The following ANKIB1 variants were observed in gnomAD, a reference collection of about 807,000 sequenced individuals.
ANKIB1 encodes ankyrin repeat and IBR domain-containing protein 1.
ANKIB1 carries 43 observed loss-of-function variants against 122.1 expected under a neutral mutation model. That is an observed-to-expected ratio of 0.35 (90% CI 0.28 to 0.45). The LOEUF (loss-of-function observed/expected upper bound fraction) is 0.45, where lower values mean the gene tolerates loss of function less well. Among genes scored for constraint, ANKIB1 ranks in the 20% least tolerant of loss-of-function variants. The pLI is 1.00. For synonymous variants in ANKIB1, 390 were observed against 442.0 expected (o/e 0.88, Z 1.48); for missense variants, 992 against 1,329.5 (o/e 0.75, Z 3.95).
At chr7:92,320,590 A>G (rs1802886654) in intron 4 of ANKIB1, among the ~76,000 whole-genome samples, 1 of 152,188 alleles carries the variant, frequency 6.6e-6, no homozygotes, top group Admixed American at 6.5e-5. Flanking sequence ...CATTTTCTTA[A>G]TCATCACATC....
intron 3 of ANKIB1, 55 bp downstream of exon 3, chr7:92,307,711 A>T: frequency 7.9e-7 from 1 of 1,269,352 alleles, no homozygotes; most frequent in Non-Finnish European, 1.0e-6. Context: ...TCCAGGTGAT[A>T]TGTAACTGTC....
Position 92,295,026 on chromosome 7 carries a change from T to C in ANKIB1, c.48T>C (p.Asp16=). 6.2e-7 allele frequency: 1 copy of C among 1,606,902 alleles called. No homozygotes were observed. Among genetic ancestry groups the C allele is most frequent in the Non-Finnish European group, 8.5e-7 (1 of 1,176,722 alleles). ...TKFRKALING[D]ENLACQIYEN... ...TCCGTAAAGCACTCATCAATGGTGA[T>C]GAAAACCTGGCCTGCCAAATATATG... is the stretch of plus-strand genomic sequence containing the variant. The change falls in exon 2 of 20, where the codon GAT becomes GAC. Residue 16 remains aspartate, a synonymous_variant. Transcript: ENST00000265742.
At chr7:92,336,622 C>T (rs1420971299) in intron 5 of ANKIB1, among the ~76,000 whole-genome samples, 1 of 152,038 alleles carries the variant, frequency 6.6e-6, no homozygotes, top group African/African-American at 2.4e-5. Context: ...TCTGTGCTTC[C>T]TGTGGCTCTC....
chr7:92,247,629 A>G (rs1249080955), intron 1 of ANKIB1, among the ~76,000 whole-genome samples: 2 of 152,230 alleles, frequency 1.3e-5, no homozygotes, highest in African/African-American at 4.8e-5. Flanking sequence ...CTGCTCCTGC[A>G]GAACTTTCCA....
chr7:92,286,479 A>ATT (rs34483972), intron 1 of ANKIB1, among the ~76,000 whole-genome samples: 1 of 134,308 alleles, frequency 7.4e-6, no homozygotes, highest in African/African-American at 2.8e-5. Context: ...TATTATCCGT[A>ATT]TTTTTTTTTT....
At chr7:92,371,893 T>G (rs1335723904) in intron 11 of ANKIB1, among the ~76,000 whole-genome samples, 1 of 151,518 alleles carries the variant, frequency 6.6e-6, no homozygotes, top group African/African-American at 2.4e-5. Flanking sequence ...CATGAATCCT[T>G]CCTTGCTAGT....
At chr7:92,347,326 G>A (rs1293592475) in intron 7 of ANKIB1, among the ~76,000 whole-genome samples, 1 of 152,070 alleles carries the variant, frequency 6.6e-6, no homozygotes, top group African/African-American at 2.4e-5. Flanking sequence ...AAGCTCATCA[G>A]CTGTCATTAT....
At chr7:92,271,635 C>T (rs1802540716) in intron 1 of ANKIB1, among the ~76,000 whole-genome samples, 1 of 151,760 alleles carries the variant, frequency 6.6e-6, no homozygotes, top group Non-Finnish European at 1.5e-5. Context: ...GTCCAAGCTG[C>T]AAATATAGGA....
chr7:92,322,586 A>ATATT lies in ANKIB1; in HGVS notation c.669+3074_669+3075insTATT, dbSNP rs1802934971. Among the ~76,000 whole-genome samples, 4 of 152,270 alleles carry ATATT rather than the reference A, an allele frequency of 2.6e-5. No individual in the cohort carries two copies. The South Asian group carries it at 8.3e-4, about 32-fold the overall frequency. On this transcript the variant is annotated intron_variant, in intron 4 of 19. Coordinates refer to ENST00000265742, the MANE Select transcript of ANKIB1 (RefSeq NM_019004.2). The stretch of plus-strand genomic sequence containing the variant: ...TTTCTTAAGTGTACTACCAGACTTA[A>ATATT]GCAAACATATATGTATATTGAATTT...
At chr7:92,338,911 CAAAAAAAAAAA>C (rs1184392588) in intron 5 of ANKIB1, among the ~76,000 whole-genome samples, 1 of 21,206 alleles carries the variant, frequency 4.7e-5, no homozygotes, top group Non-Finnish European at 7.0e-5. Context: ...GACTCCATCT[CAAAAAAAAAAA>C]AAAAAAAAAA....
At chr7:92,272,450 T>C (rs1000348342) in intron 1 of ANKIB1, among the ~76,000 whole-genome samples, 13 of 152,222 alleles carry the variant, frequency 8.5e-5, no homozygotes, top group African/African-American at 3.1e-4. Flanking sequence ...TTTAATTGTT[T>C]TCTTTCTCAG....
intron 1 of ANKIB1, among the ~76,000 whole-genome samples, chr7:92,258,821 A>T (rs1345133264): frequency 6.6e-6 from 1 of 152,078 alleles, no homozygotes; most frequent in Non-Finnish European, 1.5e-5. Flanking sequence ...TGCTATCTAG[A>T]TTATGATTTA....
intron 14 of ANKIB1, among the ~76,000 whole-genome samples, chr7:92,388,820 A>G (rs889251090): frequency 2.6e-5 from 4 of 152,242 alleles, no homozygotes; most frequent in Admixed American, 1.3e-4. Flanking sequence ...AGACAATACC[A>G]TAAGTTAAAT....
chr7:92,345,321 T>G (rs999306510), intron 7 of ANKIB1, among the ~76,000 whole-genome samples: 1 of 152,220 alleles, frequency 6.6e-6, no homozygotes, highest in African/African-American at 2.4e-5. Flanking sequence ...ACAAATAATT[T>G]TTCTTAGTAT....
chr7:92,312,878 T>TA (rs1246289875), intron 3 of ANKIB1, among the ~76,000 whole-genome samples: 1 of 152,172 alleles, frequency 6.6e-6, no homozygotes, highest in Non-Finnish European at 1.5e-5. Flanking sequence ...TGTTCTTAGT[T>TA]ACTGAGAGTT....
rs1801834035 is a variant in ANKIB1 at position 92,273,203 on chromosome 7, A to T, written c.-90-21686A>T. Among the ~76,000 whole-genome samples the T allele has an allele frequency of 1.3e-5, 2 of 152,224 alleles. 1 individual carries two copies. The highest frequency in any genetic ancestry group is 1.3e-4 in the Admixed American group (2 of 15,284). On this transcript the variant is annotated intron_variant, in intron 1 of 19. Coordinates refer to ENST00000265742, the MANE Select transcript of ANKIB1 (RefSeq NM_019004.2). ...TTCAAATTCAAGAAATAGAAAACTT[A>T]TTTGAGCATGAACAATGATAAATTT... is the stretch of plus-strand genomic sequence containing the variant.
At chr7:92,317,862 C>T (rs1385196051) in intron 3 of ANKIB1, among the ~76,000 whole-genome samples, 1 of 152,060 alleles carries the variant, frequency 6.6e-6, no homozygotes, top group Non-Finnish European at 1.5e-5. Flanking sequence ...TCAACTCATG[C>T]GAAATGAAAA....
chr7:92,249,564 C>CA (rs1263455781), intron 1 of ANKIB1, among the ~76,000 whole-genome samples: 1 of 151,968 alleles, frequency 6.6e-6, no homozygotes, highest in Non-Finnish European at 1.5e-5. Flanking sequence ...ACTAAAGATA[C>CA]AAAAAACTAG....
At chr7:92,352,726 T>A in intron 9 of ANKIB1, 84 bp downstream of exon 9, 1 of 1,301,512 alleles carries the variant, frequency 7.7e-7, no homozygotes, top group Non-Finnish European at 1.1e-6. Context: ...GTCAGGCCTT[T>A]AAATTGTAGT....
Sources: gnomAD v4.1 joint callset for allele counts (sites outside exome capture counted in the v4.1 genomes callset) on GRCh38, gnomAD v4.1.1 for gene constraint, MANE v1.5 for transcripts, NCBI Gene and HGNC (gene_info 2026-07-23, HGNC 2026-07-21) for gene names.